Variants in AXDND1 observed in about 807,000 individuals in gnomAD.
The protein encoded by AXDND1 is axonemal dynein light chain domain-containing protein 1.
In AXDND1, 110 loss-of-function variants were observed where a neutral mutation model predicts 137.5. The observed-to-expected ratio is 0.80, with a 90% confidence interval of 0.69 to 0.94. The LOEUF (loss-of-function observed/expected upper bound fraction) is 0.94, where lower values mean the gene tolerates loss of function less well. Ranked by LOEUF, AXDND1 falls within the 40% of genes least tolerant of loss-of-function variation. AXDND1 has a pLI of 0.00. For missense variants in AXDND1, 1,191 were observed against 1,169.8 expected, an observed-to-expected ratio of 1.02 and a Z score of -0.26; for synonymous variants, 414 against 399.7, an observed-to-expected ratio of 1.04 and a Z score of -0.43.
chr1:179,392,003 T>C (rs1406795031), intron 9 of AXDND1, among the ~76,000 whole-genome samples: 1 of 152,202 alleles, frequency 6.6e-6, no homozygotes, highest in Non-Finnish European at 1.5e-5. Context: ...TAAATCTCTT[T>C]CCTTTATAAA....
intron 16 of AXDND1, among the ~76,000 whole-genome samples, chr1:179,446,347 G>A (rs2125373779): frequency 6.6e-6 from 1 of 152,312 alleles, no homozygotes; most frequent in Admixed American, 6.5e-5. Context: ...CCAACTGACA[G>A]TGTAACTCTT....
At position 179,481,702 on chromosome 1, in the gene AXDND1, T is replaced by C. The variant is rs962500808; in HGVS notation, c.1998-1426T>C. ...CTAACTGGTGTGAGGTGGTATCTCA[T>C]TGTGGTTTTAATTTGCATTTCTCTG... On this transcript the variant is annotated intron_variant, in intron 17 of 25. Coordinates refer to ENST00000367618, the MANE Select transcript of AXDND1 (RefSeq NM_144696.6). Among the ~76,000 whole-genome samples the C allele has an allele frequency of 1.6e-4, 25 of 152,326 alleles. No individual in the cohort carries two copies. In the East Asian group the frequency reaches 4.8e-3, roughly 29 times the overall value.
intron 15 of AXDND1, among the ~76,000 whole-genome samples, chr1:179,437,353 C>T (rs968413528): frequency 7.9e-5 from 12 of 152,062 alleles, no homozygotes; most frequent in Non-Finnish European, 1.3e-4. Context: ...AGCAGGCTTG[C>T]GAGACTGCAT....
At chr1:179,441,207 C>T (rs572587274) in intron 15 of AXDND1, among the ~76,000 whole-genome samples, 5 of 152,290 alleles carry the variant, frequency 3.3e-5, no homozygotes, top group African/African-American at 1.2e-4. Flanking sequence ...CCATTGATTT[C>T]CTTTGTTACA....
At chr1:179,414,990 C>T (rs985192216) in intron 12 of AXDND1, among the ~76,000 whole-genome samples, 1 of 152,128 alleles carries the variant, frequency 6.6e-6, no homozygotes, top group South Asian at 2.1e-4. Context: ...GAAATAGACT[C>T]ACCTATATAT....
intron 12 of AXDND1, among the ~76,000 whole-genome samples, chr1:179,423,725 T>C (rs565403766): frequency 3.9e-5 from 6 of 152,130 alleles, no homozygotes; most frequent in Non-Finnish European, 8.8e-5. Flanking sequence ...ATGAAAAAAA[T>C]ACGCTTTAAC....
At chr1:179,515,686 C>A (rs10913808) in intron 21 of AXDND1, among the ~76,000 whole-genome samples, 51,681 of 151,882 alleles carry the variant, frequency 0.34, 8,757 homozygotes, top group East Asian at 0.4. Context: ...TTTTAGATTT[C>A]TTTTCTTCCT....
At chr1:179,402,155 A>G (rs1427000208) in intron 11 of AXDND1, among the ~76,000 whole-genome samples, 2 of 120,672 alleles carry the variant, frequency 1.7e-5, no homozygotes, top group Non-Finnish European at 3.4e-5. Context: ...ACAGAGCGAG[A>G]CTCCGTCTCA....
intron 20 of AXDND1, among the ~76,000 whole-genome samples, chr1:179,508,134 ATTGC>A (rs1202511631): frequency 2.6e-5 from 4 of 152,110 alleles, no homozygotes; most frequent in Admixed American, 1.3e-4. Flanking sequence ...GGGAGGCTGA[ATTGC>A]TTAAGTCCAG....
chr1:179,431,560 G>T (rs1427038026), intron 14 of AXDND1, among the ~76,000 whole-genome samples: 1 of 145,678 alleles, frequency 6.9e-6, no homozygotes, highest in East Asian at 2.0e-4. Context: ...GATTTCTAAG[G>T]TTTTTTTTTT....
intron 6 of AXDND1, among the ~76,000 whole-genome samples, chr1:179,379,814 A>G (rs1262401580): frequency 2.7e-5 from 4 of 147,710 alleles, no homozygotes; most frequent in South Asian, 2.2e-4. Flanking sequence ...AAAAAAAAAA[A>G]AAAGAAAGAA....
intron 16 of AXDND1, among the ~76,000 whole-genome samples, chr1:179,460,358 C>CAAAGGACATGAACTCA (rs1399097547): frequency 6.6e-6 from 1 of 152,166 alleles, no homozygotes; most frequent in Admixed American, 6.5e-5. Context: ...CATGTCCCTA[C>CAAAGGACATGAACTCA]AAAGGACATG....
At chr1:179,530,247 T>C (rs1670924498) in intron 23 of AXDND1, among the ~76,000 whole-genome samples, 2 of 152,184 alleles carry the variant, frequency 1.3e-5, no homozygotes, top group African/African-American at 4.8e-5. Context: ...GTCAGGCTGG[T>C]CTTGAACTCC....
intron 25 of AXDND1, chr1:179,552,757 G>A: frequency 2.7e-6 from 3 of 1,104,712 alleles, no homozygotes; most frequent in Non-Finnish European, 4.1e-6. Flanking sequence ...AGACTTGCAA[G>A]CCTCTCTACT....
At chr1:179,448,280 A>G in intron 16 of AXDND1, 2 of 773,306 alleles carry the variant, frequency 2.6e-6, no homozygotes, top group Admixed American at 3.4e-5. Context: ...TATCAGTGCT[A>G]GCATATTGAA....
chr1:179,458,435 A>C (rs12745772), intron 16 of AXDND1, among the ~76,000 whole-genome samples: 25,532 of 152,114 alleles, frequency 0.17, 2,492 homozygotes, highest in East Asian at 0.35. Context: ...ATGTCAAAAC[A>C]CAATAAATAT....
intron 23 of AXDND1, 35 bp from the exon 24 acceptor site, chr1:179,533,758 CTG>C: frequency 1.2e-5 from 17 of 1,455,926 alleles, no homozygotes; most frequent in Non-Finnish European, 1.6e-5. Context: ...ATTGTTGAGA[CTG>C]TCAGTTCATT....
At chr1:179,447,325 A>T (rs536731345) in intron 16 of AXDND1, among the ~76,000 whole-genome samples, 1 of 152,308 alleles carries the variant, frequency 6.6e-6, no homozygotes, top group Non-Finnish European at 1.5e-5. Flanking sequence ...CTATCTTTCC[A>T]TGCCTGGCTT....
At chr1:179,487,632 A>G (rs994673973) in intron 18 of AXDND1, among the ~76,000 whole-genome samples, 2 of 148,652 alleles carry the variant, frequency 1.3e-5, no homozygotes, top group Non-Finnish European at 3.0e-5. Flanking sequence ...TGCTGAAATG[A>G]TAGCTCAGAA....
Sources: gnomAD v4.1 joint callset for allele counts (sites outside exome capture counted in the v4.1 genomes callset) on GRCh38, gnomAD v4.1.1 for gene constraint, MANE v1.5 for transcripts, NCBI Gene and HGNC (gene_info 2026-07-23, HGNC 2026-07-21) for gene names.